FRMPD2: variants seen among roughly 807,000 people sequenced by gnomAD.
FRMPD2 encodes the protein FERM and PDZ domain-containing protein 2.
In FRMPD2, 96 loss-of-function variants were observed where a neutral mutation model predicts 140.1. The observed-to-expected ratio is 0.69, with a 90% CI of 0.58 to 0.81. The LOEUF is 0.81. Ranked by LOEUF, FRMPD2 falls within the 40% of genes least tolerant of loss-of-function variation. FRMPD2 has a pLI of 0.00. For missense variants in FRMPD2, 1,240 were observed against 1,447.4 expected, an observed-to-expected ratio of 0.86 and a Z score of 2.32; for synonymous variants, 449 against 547.6, an observed-to-expected ratio of 0.82 and a Z score of 2.52.
intron 4 of FRMPD2, among the ~76,000 whole-genome samples, 190 bp from the exon 5 acceptor site, chr10:48,242,542 A>T (rs1840147151): frequency 6.6e-6 from 1 of 152,260 alleles, no homozygotes; most frequent in Non-Finnish European, 1.5e-5. Flanking sequence ...AGTGCGGAGC[A>T]ATCATCTCTG....
At chr10:48,189,794 T>C (rs1288568908) in intron 16 of FRMPD2, among the ~76,000 whole-genome samples, 1 of 152,160 alleles carries the variant, frequency 6.6e-6, no homozygotes, top group East Asian at 1.9e-4. Flanking sequence ...CAAGCAGCCG[T>C]CCCTGGTGCC....
chr10:48,271,166 G>A (rs2131992552), intron 1 of FRMPD2, among the ~76,000 whole-genome samples: 1 of 152,146 alleles, frequency 6.6e-6, no homozygotes, highest in South Asian at 2.1e-4. Flanking sequence ...TTCCCCCATG[G>A]CCTTTTTCCA....
At chr10:48,250,207 T>C (rs1428665490) in intron 2 of FRMPD2, among the ~76,000 whole-genome samples, 1 of 152,102 alleles carries the variant, frequency 6.6e-6, no homozygotes, top group Non-Finnish European at 1.5e-5. Flanking sequence ...TGGCCACCGG[T>C]GGCTATTGCC....
chr10:48,248,766 C>T, intron 3 of FRMPD2: 1 of 305,272 alleles, frequency 3.3e-6, no homozygotes, highest in Admixed American at 4.9e-5. Context: ...TTGATAATAA[C>T]CTGATCAATT....
chr10:48,164,117 C>T lies in FRMPD2; in HGVS notation c.3538-446G>A, dbSNP rs562781849. Reference sequence around the variant, plus strand: ...TCACTTTCCCAGACATGACTTGCTTCGTCTCAACTGCTCACCTCCCTGTCA... The same window carrying T: ...TCACTTTCCCAGACATGACTTGCTTTGTCTCAACTGCTCACCTCCCTGTCA... On this transcript the variant is annotated intron_variant, in intron 27 of 28. Transcript: ENST00000374201. Among the ~76,000 whole-genome samples, 675 of 150,584 alleles carry T rather than the reference C, an allele frequency of 4.5e-3. 35 individuals are homozygous for T. Among genetic ancestry groups the T allele is most frequent in the African/African-American group, 0.015 (591 of 40,502 alleles).
intron 1 of FRMPD2, among the ~76,000 whole-genome samples, chr10:48,262,669 T>C (rs1840614300): frequency 6.6e-6 from 1 of 152,184 alleles, no homozygotes; most frequent in Admixed American, 6.5e-5. Context: ...GGCTATTTTA[T>C]CCAACAACAA....
chr10:48,195,904 A>T (rs1434248776), intron 15 of FRMPD2, among the ~76,000 whole-genome samples: 1 of 152,196 alleles, frequency 6.6e-6, no homozygotes, highest in African/African-American at 2.4e-5. Context: ...GCATATCCAC[A>T]AATAAAAGTG....
At chr10:48,200,671 C>T (rs143250893) in intron 15 of FRMPD2, among the ~76,000 whole-genome samples, 25 of 152,332 alleles carry the variant, frequency 1.6e-4, no homozygotes, top group Admixed American at 7.8e-4. Context: ...TGTCATTGGA[C>T]GGTGCTAGCT....
chr10:48,246,620 G>A (rs189762606), intron 3 of FRMPD2, among the ~76,000 whole-genome samples: 4 of 152,354 alleles, frequency 2.6e-5, no homozygotes, highest in Admixed American at 2.6e-4. Flanking sequence ...ATGCCAAGTA[G>A]TTGGGGAAAT....
In FRMPD2 at chr10:48,157,113, G is replaced by A; in HGVS notation, c.*209C>T. 1.7e-6 allele frequency: 1 copy of A among 586,836 alleles called. No individual in the cohort carries two copies. Among genetic ancestry groups the A allele is most frequent in the Non-Finnish European group, 3.1e-6 (1 of 319,950 alleles). The allele number at this position is 586,836 out of a possible 1,614,324, so 36.4% of individuals were successfully genotyped here. A position where few individuals can be genotyped will look rare whatever the true frequency, so the allele number is the denominator to read the frequency against. On this transcript the variant is annotated 3_prime_UTR_variant, in exon 29 of 29. Transcript: ENST00000374201. ...TGCCTATTTAGAGATGCGGCAAGCT[G>A]AAGTGACATTTACTCCCCGCGGAAG...
At chr10:48,237,878 C>T in intron 8 of FRMPD2, 113 bp downstream of exon 8, 1 of 1,281,648 alleles carries the variant, frequency 7.8e-7, no homozygotes, top group Non-Finnish European at 1.1e-6. Context: ...AAACCTCAGC[C>T]CAGGGAAGTT....
intron 12 of FRMPD2, among the ~76,000 whole-genome samples, 164 bp downstream of exon 12, chr10:48,222,146 ATGG>A (rs1337441427): frequency 6.6e-6 from 1 of 151,344 alleles, no homozygotes; most frequent in Non-Finnish European, 1.5e-5. Flanking sequence ...GGATGGATGG[ATGG>A]ATGGATGGAT....
rs1451453950 is a variant in FRMPD2 at position 48,181,077 on chromosome 10, G to A, written c.2585-69C>T. Reference sequence around the variant, plus strand: ...GGTTTCTTGGTGGCATCTCTATGTGGGCACAGCGTTTTCCTCCAGTGACAG... The same window carrying A: ...GGTTTCTTGGTGGCATCTCTATGTGAGCACAGCGTTTTCCTCCAGTGACAG... On this transcript the variant is annotated intron_variant, in intron 20 of 28. Coordinates refer to ENST00000374201, the MANE Select transcript of FRMPD2 (RefSeq NM_001018071.4). The A allele has an allele frequency of 3.2e-6, 3 of 935,810 alleles. No homozygotes were observed. In the South Asian group the frequency reaches 3.9e-5, roughly 12 times the overall value. The allele number at this position is 935,810 out of a possible 1,614,324, so 58.0% of individuals were successfully genotyped here.
At chr10:48,167,567 C>G (rs1352387491) in intron 27 of FRMPD2, among the ~76,000 whole-genome samples, 2 of 117,684 alleles carry the variant, frequency 1.7e-5, no homozygotes, top group African/African-American at 6.5e-5. Context: ...TGCCCCACCC[C>G]ACCTCAGTCA....
intron 1 of FRMPD2, among the ~76,000 whole-genome samples, chr10:48,254,858 C>T (rs1840457399): frequency 6.6e-6 from 1 of 152,210 alleles, no homozygotes; most frequent in South Asian, 2.1e-4. Context: ...TGTGGAAATG[C>T]TGTGAAGCAC....
chr10:48,216,326 A>G (rs1839449645), intron 12 of FRMPD2, among the ~76,000 whole-genome samples: 1 of 151,868 alleles, frequency 6.6e-6, no homozygotes, highest in Non-Finnish European at 1.5e-5. Flanking sequence ...ATAGATAGAT[A>G]GATGATAAAT....
At chr10:48,174,771 C>G in intron 24 of FRMPD2, 99 bp downstream of exon 24, 1 of 984,234 alleles carries the variant, frequency 1.0e-6, no homozygotes, top group Admixed American at 1.9e-5. Context: ...AGTCTTGTTT[C>G]TTGCCTGCCT....
chr10:48,223,285 G>A lies in FRMPD2; in HGVS notation c.1169-15C>T, dbSNP rs1839652318. 6.2e-7 allele frequency: 1 copy of A among 1,607,212 alleles called. No individual in the cohort carries two copies. Among genetic ancestry groups the A allele is most frequent in the South Asian group, 1.1e-5 (1 of 90,322 alleles). ...GAACTCTTTGCCTGAAATGGAAATA[G>A]AGCATGTGTGGAAGGAGAAGCAGTA... On this transcript the variant is annotated splice_polypyrimidine_tract_variant and intron_variant, in intron 10 of 28. Transcript: ENST00000374201.
intron 10 of FRMPD2, among the ~76,000 whole-genome samples, chr10:48,226,602 A>G (rs1440904178): frequency 1.3e-5 from 2 of 152,244 alleles, no homozygotes; most frequent in Admixed American, 6.5e-5. Flanking sequence ...TGAAATTCCC[A>G]TGTGATAGTC....
Sources: gnomAD v4.1 joint callset for allele counts (sites outside exome capture counted in the v4.1 genomes callset) on GRCh38, gnomAD v4.1.1 for gene constraint, MANE v1.5 for transcripts, NCBI Gene and HGNC (gene_info 2026-07-23, HGNC 2026-07-21) for gene names.